The following ALG13 variants were observed in gnomAD, a reference collection of about 807,000 sequenced individuals.
ALG13 encodes ALG13 UDP-N-acetylglucosaminyltransferase subunit.
A neutral mutation model predicts 87.8 loss-of-function variants in ALG13; 11 were observed. The observed-to-expected ratio is 0.13, with a 90% CI of 0.08 to 0.21. ALG13 has a LOEUF of 0.21. ALG13 is among the 10% of genes least tolerant of loss of function. The pLI, the probability that ALG13 is intolerant of heterozygous loss-of-function variation, is 1.00. For synonymous variants in ALG13, 320 were observed against 306.3 expected (o/e 1.04, Z -0.47); for missense variants, 756 against 866.1 (o/e 0.87, Z 1.60).
At chrX:111,710,996 C>T (rs1323001533) in intron 5 of ALG13, 1 of 112,461 alleles carries the variant, frequency 8.9e-6, no homozygotes, top group Non-Finnish European at 1.9e-5. Context: ...AACACCCAGC[C>T]TGTATGTCAT....
chrX:111,727,743 G>T lies in ALG13; in HGVS notation c.2220G>T (p.Gly740=), dbSNP rs1855746417. The T allele has an allele frequency of 8.3e-7, 1 of 1,205,534 alleles. No homozygotes were observed. Among genetic ancestry groups the T allele is most frequent in the African/African-American group, 1.8e-5 (1 of 57,028 alleles). The change falls in exon 18 of 27, where the codon GGG becomes GGT. Residue 740 remains glycine (G), a synonymous_variant. Coordinates refer to ENST00000394780, the MANE Select transcript of ALG13 (RefSeq NM_001099922.3). ...TTACTTTTTATGAAGTTGAAGAAGGGGATGAGACTGCTTATCCAACTTTAC... is the reference window on the plus strand; with the variant it reads ...TTACTTTTTATGAAGTTGAAGAAGGTGATGAGACTGCTTATCCAACTTTAC... ...ETITFYEVEE[G]DETAYPTLPN... is the part of the protein sequence containing the mutation.
intron 11 of ALG13, among the ~76,000 whole-genome samples, chrX:111,720,952 C>A (rs1392957708): frequency 9.1e-6 from 1 of 109,326 alleles, no homozygotes; most frequent in African/African-American, 3.3e-5. Context: ...CCATCTAAAA[C>A]CTTTTAGATT....
Position 111,720,145 on chromosome X carries a change from A to G in ALG13, c.1301A>G (p.Tyr434Cys), listed in dbSNP as rs778164909. Residue 434 changes from tyrosine (Y) to cysteine (C), a missense_variant, in exon 11 of 27, where the codon TAC becomes TGC. Tyr to Cys is a radical substitution (Grantham distance 194, BLOSUM62 -2). This residue lies in a region of ALG13 where 48 missense variants were observed against 50.5 expected (regional missense o/e 0.95). Coordinates refer to ENST00000394780, the MANE Select transcript of ALG13 (RefSeq NM_001099922.3). Reference protein sequence around the residue: ...CYNAENIPEGYNKGTEETKSP... With the variant: ...CYNAENIPEGCNKGTEETKSP... ...AATGCTGAAAATATACCAGAGGGCT[A>G]CAATAAAGGAACAGAAGAAACAAAG... 4.2e-6 allele frequency: 5 copies of G among 1,189,841 alleles called. No individual in the cohort carries two copies. The highest frequency in any genetic ancestry group is 5.7e-6 in the Non-Finnish European group (5 of 882,856).
intron 24 of ALG13, among the ~76,000 whole-genome samples, chrX:111,749,339 G>C (rs1206816461): frequency 5.4e-5 from 6 of 110,513 alleles, no homozygotes; most frequent in East Asian, 5.7e-4. Flanking sequence ...TGGTGTTTTA[G>C]TCAAAAATCA....
intron 2 of ALG13, among the ~76,000 whole-genome samples, chrX:111,683,345 T>TC (rs1275515133): frequency 4.7e-4 from 48 of 102,159 alleles, no homozygotes; most frequent in African/African-American, 1.7e-3. Context: ...TTTTTTTTTT[T>TC]CTGGGACGGA....
intron 3 of ALG13, chrX:111,688,180 T>A: frequency 1.2e-6 from 1 of 821,900 alleles, no homozygotes; most frequent in Non-Finnish European, 1.5e-6. Context: ...AAATCCTAAT[T>A]GCAGTTTAGT....
Position 111,681,606 on chromosome X carries a change from T to G in ALG13, c.81+307T>G. 3.2e-6 allele frequency: 3 copies of G among 949,936 alleles called. No homozygotes were observed. The South Asian group carries it at 9.7e-5, about 31-fold the overall frequency. 78.3% of individuals were successfully genotyped at this position (949,936 alleles called of 1,213,427 possible). ...TCTCCGCCTCCGCGTCCTCCGCCCCTCCTTCCAACGGCTCCGCCCCTCCGA... is the reference window on the plus strand; with the variant it reads ...TCTCCGCCTCCGCGTCCTCCGCCCCGCCTTCCAACGGCTCCGCCCCTCCGA... On this transcript the variant is annotated intron_variant, in intron 1 of 26. Coordinates refer to ENST00000394780, the MANE Select transcript of ALG13 (RefSeq NM_001099922.3).
In ALG13 at chrX:111,721,588, T is replaced by C; in HGVS notation, c.1327-15T>C. On this transcript the variant is annotated splice_polypyrimidine_tract_variant and intron_variant, in intron 11 of 26. Transcript: ENST00000394780. ...TAAGGATTGTGAGTTTGTAGCATGA[T>C]TATTTTTGTTTTAGTCTCCAGAAAA... is the stretch of plus-strand genomic sequence containing the variant. 3 of 1,022,481 alleles carry C rather than the reference T, an allele frequency of 2.9e-6. No individual in the cohort carries two copies. Among genetic ancestry groups the C allele is most frequent in the Non-Finnish European group, 4.1e-6 (3 of 728,982 alleles). The allele number at this position is 1,022,481 out of a possible 1,213,427, so 84.3% of individuals were successfully genotyped here.
At chrX:111,751,568 G>A (rs890492036) in intron 24 of ALG13, among the ~76,000 whole-genome samples, 2 of 111,638 alleles carry the variant, frequency 1.8e-5, no homozygotes, top group Non-Finnish European at 3.8e-5. Flanking sequence ...TGCTACGTGC[G>A]TTTGTGTATA....
chrX:111,689,868 G>A, intron 3 of ALG13: 1 of 753,536 alleles, frequency 1.3e-6, no homozygotes, highest in Non-Finnish European at 1.6e-6. Flanking sequence ...GGTTTTGTTT[G>A]TTTATTTATG....
intron 1 of ALG13, 166 bp from the exon 2 acceptor site, chrX:111,681,965 GC>G: frequency 1.2e-6 from 1 of 859,055 alleles, no homozygotes; most frequent in Non-Finnish European, 1.5e-6. Flanking sequence ...TCCTCGTCGG[GC>G]CCCGGACCAG....
In ALG13 at chrX:111,684,956, T is replaced by C. The variant is rs1934558833; in HGVS notation, c.245-9T>C. 1 of 1,191,854 alleles carries C rather than the reference T, an allele frequency of 8.4e-7. No individual in the cohort carries two copies. The highest frequency in any genetic ancestry group is 2.4e-5 in the Admixed American group (1 of 41,694). On this transcript the variant is annotated splice_polypyrimidine_tract_variant and intron_variant, in intron 2 of 26. Transcript: ENST00000394780. ...AATTGTGTTGAACAAATTTGATTTA[T>C]ATTTGTAGGTGCAGGAAGCTGTTTG... is the stretch of plus-strand genomic sequence containing the variant.
At chrX:111,682,418 C>T (rs1222557045) in intron 2 of ALG13, 124 bp downstream of exon 2, 1 of 482,602 alleles carries the variant, frequency 2.1e-6, no homozygotes, top group Non-Finnish European at 3.1e-6. Context: ...GTGTGCCATG[C>T]ATCACCTAGG....
At chrX:111,723,648 A>G (rs1941663079) in intron 13 of ALG13, 150 bp from the exon 14 acceptor site, 1 of 385,462 alleles carries the variant, frequency 2.6e-6, no homozygotes, top group South Asian at 5.9e-5. Context: ...TTCTTTCAGT[A>G]TGTGCTGTCT....
intron 11 of ALG13, among the ~76,000 whole-genome samples, chrX:111,720,380 A>C (rs1039561108): frequency 1.8e-5 from 2 of 112,422 alleles, no homozygotes; most frequent in African/African-American, 6.5e-5. Context: ...TAGATTTTTC[A>C]GAACAAACTG....
At chrX:111,681,417 T>C in intron 1 of ALG13, 118 bp downstream of exon 1, 2 of 1,153,877 alleles carry the variant, frequency 1.7e-6, no homozygotes, top group Non-Finnish European at 2.3e-6. Flanking sequence ...CCCGCAACTC[T>C]ACCACAGGTG....
intron 15 of ALG13, among the ~76,000 whole-genome samples, chrX:111,726,007 T>G (rs370420205): frequency 0.019 from 2,102 of 112,010 alleles, 20 homozygotes; most frequent in Non-Finnish European, 0.026. Context: ...GCAGTGGCGC[T>G]ATCTCGGCTC....
intron 1 of ALG13, chrX:111,681,823 T>TC: frequency 1.2e-6 from 1 of 861,722 alleles, no homozygotes; most frequent in Non-Finnish European, 1.4e-6. Flanking sequence ...TCGCAGTTGA[T>TC]CAAGTGAGGC....
chrX:111,735,562 A>T (rs1943151489), intron 22 of ALG13, among the ~76,000 whole-genome samples: 1 of 111,615 alleles, frequency 9.0e-6, no homozygotes, highest in Middle Eastern at 4.6e-3. Flanking sequence ...TGGATTATCA[A>T]ATTTTAGAAA....
Sources: allele counts gnomAD v4.1 joint callset (sites outside exome capture counted in the v4.1 genomes callset), GRCh38; gene constraint gnomAD v4.1.1; regional missense constraint gnomAD v4.1.1; transcripts MANE v1.5; gene names NCBI Gene and HGNC (gene_info 2026-07-23, HGNC 2026-07-21).